SCARB1: variants seen among roughly 807,000 people sequenced by gnomAD.
SCARB1 encodes scavenger receptor class B member 1, also known as CD36 and LIMPII analogous 1.
Under a neutral mutation model 57.2 loss-of-function variants are expected in SCARB1, and 30 were observed. That is an observed-to-expected ratio of 0.52 (90% confidence interval 0.39 to 0.71). The LOEUF is 0.71. Ranked by LOEUF, SCARB1 falls within the 30% of genes least tolerant of loss-of-function variation. The probability of loss-of-function intolerance (pLI) is 0.00; values close to 1 mark genes in which losing one functional copy is unlikely to be tolerated. For synonymous variants in SCARB1, 249 were observed against 268.3 expected, an observed-to-expected ratio of 0.93 and a Z score of 0.70; for missense variants, 543 against 671.2, an observed-to-expected ratio of 0.81 and a Z score of 2.11.
chr12:124,819,678 G>A (rs1028743831), intron 1 of SCARB1, among the ~76,000 whole-genome samples: 11 of 152,204 alleles, frequency 7.2e-5, no homozygotes, highest in Admixed American at 5.9e-4. Flanking sequence ...AGGCAGCTGC[G>A]TCACCTTCCA....
intron 6 of SCARB1, among the ~76,000 whole-genome samples, chr12:124,808,840 A>C (rs958495847): frequency 2.2e-4 from 26 of 117,542 alleles, no homozygotes; most frequent in African/African-American, 6.7e-4. Context: ...CAAAAAAAAC[A>C]AAAAAAAAAC....
At chr12:124,848,928 C>T (rs529933441) in intron 1 of SCARB1, among the ~76,000 whole-genome samples, 3 of 152,342 alleles carry the variant, frequency 2.0e-5, no homozygotes, top group Middle Eastern at 3.4e-3. Flanking sequence ...TGTGTCTATC[C>T]GGTTAAGATG....
chr12:124,786,513 C>T lies in SCARB1; in HGVS notation c.1255-10G>A, dbSNP rs775724383. On this transcript the variant is annotated splice_polypyrimidine_tract_variant and intron_variant, in intron 10 of 12. Coordinates refer to ENST00000261693, the MANE Select transcript of SCARB1 (RefSeq NM_005505.5). The stretch of plus-strand genomic sequence containing the variant: ...CCTCCATGGCCCCGCTCTGAGGAGA[C>T]AGAATGACAAACACATGAGCTGGGG... The T allele has an allele frequency of 4.3e-5, 69 of 1,613,774 alleles. No individual in the cohort carries two copies. The South Asian group carries it at 6.6e-4, about 15-fold the overall frequency.
chr12:124,816,821 CG>C (rs1201261154), intron 2 of SCARB1, among the ~76,000 whole-genome samples: 1 of 152,008 alleles, frequency 6.6e-6, no homozygotes, highest in Non-Finnish European at 1.5e-5. Flanking sequence ...AGTCTGCAGA[CG>C]GGCAAACTGA....
At chr12:124,849,141 G>A (rs1234279874) in intron 1 of SCARB1, among the ~76,000 whole-genome samples, 2 of 152,238 alleles carry the variant, frequency 1.3e-5, no homozygotes, top group Non-Finnish European at 1.5e-5. Context: ...ATTTGAACCT[G>A]GGCTGCCTGC....
Position 124,817,476 on chromosome 12 carries a change from T to G in SCARB1, c.284+74A>C, listed in dbSNP as rs900462217. 1 of 1,335,856 alleles carries G rather than the reference T, an allele frequency of 7.5e-7. No homozygotes were observed. Among genetic ancestry groups the G allele is most frequent in the South Asian group, 1.2e-5 (1 of 84,978 alleles). 82.8% of individuals were successfully genotyped at this position (1,335,856 alleles called of 1,614,324 possible). ...TGGGGCTCAGTCAGCAGCCTCCCCA[T>G]CCCGTCCACTCTGAGACCCCTCCCC... On this transcript the variant is annotated intron_variant, in intron 2 of 12. Coordinates refer to ENST00000261693, the MANE Select transcript of SCARB1 (RefSeq NM_005505.5). This position sits in a 1 kb window ranked among gnomAD's most constrained non-coding sequence, Gnocchi z 4.8.
intron 7 of SCARB1, among the ~76,000 whole-genome samples, chr12:124,804,102 C>G (rs971007142): frequency 3.9e-5 from 6 of 152,300 alleles, no homozygotes; most frequent in Admixed American, 3.3e-4. Flanking sequence ...TGGAGTGGGG[C>G]CGGCCCACCC....
intron 1 of SCARB1, among the ~76,000 whole-genome samples, chr12:124,845,804 G>C (rs1050616745): frequency 4.0e-5 from 6 of 149,956 alleles, no homozygotes; most frequent in Non-Finnish European, 5.9e-5. Flanking sequence ...TCAGGAGTTT[G>C]AGACTAGCCT....
intron 1 of SCARB1, among the ~76,000 whole-genome samples, chr12:124,828,841 AAC>A (rs969428020): frequency 3.9e-5 from 6 of 152,196 alleles, no homozygotes; most frequent in African/African-American, 1.4e-4. Flanking sequence ...GCTTCCAAGA[AAC>A]ACACCTCTGA....
chr12:124,824,435 G>A (rs1951061577), intron 1 of SCARB1, among the ~76,000 whole-genome samples: 1 of 152,216 alleles, frequency 6.6e-6, no homozygotes, highest in African/African-American at 2.4e-5. Flanking sequence ...AGAATGCTTT[G>A]GAACTAGATC....
chr12:124,778,203 G>A lies in SCARB1; in HGVS notation c.*384C>T. 2.8e-6 allele frequency: 1 copy of A among 363,444 alleles called. No homozygotes were observed. Among genetic ancestry groups the A allele is most frequent in the Non-Finnish European group, 4.9e-6 (1 of 204,876 alleles). The allele number at this position is 363,444 out of a possible 1,614,324, so 22.5% of individuals were successfully genotyped here. On this transcript the variant is annotated 3_prime_UTR_variant, in exon 13 of 13. Transcript: ENST00000261693. ...CGGGACTGCAGTGTTTCACCTTGGA[G>A]GGGAGGAAGCCTGGGCCCAACGGCT...
chr12:124,841,679 G>A (rs1343260918), intron 1 of SCARB1, among the ~76,000 whole-genome samples: 2 of 151,274 alleles, frequency 1.3e-5, no homozygotes, highest in African/African-American at 4.9e-5. Context: ...AGGCTCCTTC[G>A]CACCTCCGGC....
chr12:124,840,111 C>CATA, intron 1 of SCARB1: 1 of 1,231,764 alleles, frequency 8.1e-7, no homozygotes, highest in Middle Eastern at 2.2e-4. Flanking sequence ...ATGAGTGTGT[C>CATA]TCACTGATTC....
rs11057815 is a variant in SCARB1, at chr12:124,794,652, C to T, written c.1202+543G>A. Among the ~76,000 whole-genome samples, 4,638 of 152,176 alleles carry T rather than the reference C, an allele frequency of 0.03. 542 individuals carry two copies. The East Asian group carries it at 0.39, about 13-fold the overall frequency. On this transcript the variant is annotated intron_variant, in intron 9 of 12. Coordinates refer to ENST00000261693, the MANE Select transcript of SCARB1 (RefSeq NM_005505.5). Reference sequence around the variant, plus strand: ...AATGTTAAAAAAGAAAAGTGAAGGCCGGGCACGGTGGCTCACGCCTGCAAT... The same window carrying T: ...AATGTTAAAAAAGAAAAGTGAAGGCTGGGCACGGTGGCTCACGCCTGCAAT...
chr12:124,794,084 CCAGAATAGGTAAGTCCG>C (rs1411069902), intron 9 of SCARB1, among the ~76,000 whole-genome samples: 2 of 152,120 alleles, frequency 1.3e-5, no homozygotes, highest in African/African-American at 2.4e-5. Context: ...TATGAAATGC[CCAGAATAGGTAAGTCCG>C]CAGAGACAGG....
chr12:124,850,780 A>C (rs570446067), intron 1 of SCARB1, among the ~76,000 whole-genome samples: 1 of 152,342 alleles, frequency 6.6e-6, no homozygotes, highest in Non-Finnish European at 1.5e-5. Context: ...AAACAAAATA[A>C]TCTCTAATAC....
At chr12:124,847,472 A>G (rs1952212741) in intron 1 of SCARB1, among the ~76,000 whole-genome samples, 1 of 152,170 alleles carries the variant, frequency 6.6e-6, no homozygotes, top group South Asian at 2.1e-4. Flanking sequence ...AGGGAGAGGC[A>G]AAACAGGAAA....
chr12:124,837,472 A>AAAGGAAGGAAGGAAGG lies in SCARB1; in HGVS notation c.127-19781_127-19766dup, dbSNP rs199725164. On this transcript the variant is annotated intron_variant, in intron 1 of 12. Coordinates refer to ENST00000261693, the MANE Select transcript of SCARB1 (RefSeq NM_005505.5). The stretch of plus-strand genomic sequence containing the variant: ...GAAAGAAAGAAGGAAAGAAAGAAAG[A>AAAGGAAGGAAGGAAGG]AAGGAAGGAAGGAAGGAAGGAAGGA... 1.8e-3 allele frequency among the ~76,000 whole-genome samples: 128 copies of AAAGGAAGGAAGGAAGG among 72,574 alleles called. 5 individuals are homozygous for AAAGGAAGGAAGGAAGG. The highest frequency in any genetic ancestry group is 8.6e-3 in the Middle Eastern group (1 of 116). 47.6% of individuals were successfully genotyped at this position (72,574 alleles called of 152,430 possible). A position where few individuals can be genotyped will look rare whatever the true frequency, so the allele number is the denominator to read the frequency against.
intron 1 of SCARB1, chr12:124,821,272 GCACA>G (rs967827072): frequency 8.0e-5 from 33 of 413,072 alleles, no homozygotes; most frequent in Non-Finnish European, 8.8e-5. Flanking sequence ...ACACACACGC[GCACA>G]CACACACACG....
Sources: allele counts gnomAD v4.1 joint callset (sites outside exome capture counted in the v4.1 genomes callset), GRCh38; gene constraint gnomAD v4.1.1; non-coding constraint Gnocchi (gnomAD v3.1); transcripts MANE v1.5; gene names NCBI Gene and HGNC (gene_info 2026-07-23, HGNC 2026-07-21).